The following TWIST2 variants were observed in gnomAD, a reference collection of about 807,000 sequenced individuals.
TWIST2 encodes the protein twist-related protein 2.
TWIST2 carries 1 observed loss-of-function variant against 11.6 expected under a neutral mutation model. That is an observed-to-expected ratio of 0.09 (90% CI 0.03 to 0.41). The LOEUF is 0.41. Ranked by LOEUF, TWIST2 falls within the 10% of genes least tolerant of loss-of-function variation. The probability of loss-of-function intolerance (pLI) is 0.98; values close to 1 mark genes in which losing one functional copy is unlikely to be tolerated. For missense variants in TWIST2, 168 were observed against 226.4 expected, an observed-to-expected ratio of 0.74 and a Z score of 1.66; for synonymous variants, 87 against 96.6, an observed-to-expected ratio of 0.90 and a Z score of 0.58.
At chr2:238,860,117 G>A (rs577187165) in intron 1 of TWIST2, among the ~76,000 whole-genome samples, 91 of 152,300 alleles carry the variant, frequency 6.0e-4, no homozygotes, top group African/African-American at 1.9e-3. Flanking sequence ...GGGCTCGTCT[G>A]CCCGCTCGGT....
At chr2:238,906,310 C>A (rs1654194483) in intron 1 of TWIST2, among the ~76,000 whole-genome samples, 1 of 151,178 alleles carries the variant, frequency 6.6e-6, no homozygotes, top group African/African-American at 2.4e-5. Flanking sequence ...ACACACAGAC[C>A]CACTCAGGAG....
chr2:238,854,001 C>T (rs1216339055), intron 1 of TWIST2, among the ~76,000 whole-genome samples: 1 of 152,192 alleles, frequency 6.6e-6, no homozygotes, highest in African/African-American at 2.4e-5. Context: ...TTGTTTTCCT[C>T]TGTTATTTGA....
chr2:238,855,866 C>T (rs902927154), intron 1 of TWIST2, among the ~76,000 whole-genome samples: 22 of 152,162 alleles, frequency 1.4e-4, no homozygotes, highest in African/African-American at 5.1e-4. Context: ...GCTCAGCACC[C>T]CCGCCTCAGT....
At chr2:238,868,018 A>C (rs1037943350) in intron 1 of TWIST2, among the ~76,000 whole-genome samples, 4 of 152,200 alleles carry the variant, frequency 2.6e-5, no homozygotes, top group Admixed American at 1.3e-4. Context: ...AGATAGAAAA[A>C]ATAAATGCAG....
At chr2:238,903,087 T>C (rs1165241834) in intron 1 of TWIST2, among the ~76,000 whole-genome samples, 5 of 121,304 alleles carry the variant, frequency 4.1e-5, no homozygotes, top group African/African-American at 1.8e-4. Flanking sequence ...ATGTGGGGTG[T>C]GTGCTGTGGG....
chr2:238,866,786 C>CAAA lies in TWIST2; in HGVS notation c.*35+18053_*35+18054insAAA, dbSNP rs1692545631. On this transcript the variant is annotated intron_variant, in intron 1 of 1. Coordinates refer to ENST00000612363, the MANE Select transcript of TWIST2 (RefSeq NM_001271893.4). This position sits in a 1 kb window ranked among gnomAD's most constrained non-coding sequence, Gnocchi z 4.9. The stretch of plus-strand genomic sequence containing the variant: ...CCTCCTTGGGGAGCCTCTAACCACC[C>CAAA]TGCTGGCATTTGTGGTGACTCCTGA... 1.3e-5 allele frequency among the ~76,000 whole-genome samples: 2 copies of CAAA among 152,198 alleles called. No homozygotes were observed. Among genetic ancestry groups the CAAA allele is most frequent in the African/African-American group, 4.8e-5 (2 of 41,456 alleles).
chr2:238,856,633 A>G (rs1407395598), intron 1 of TWIST2, among the ~76,000 whole-genome samples: 1 of 152,054 alleles, frequency 6.6e-6, no homozygotes, highest in Non-Finnish European at 1.5e-5. Flanking sequence ...TACGGAAGGG[A>G]CTCAGGTCTC....
In TWIST2 at chr2:238,905,993, G is replaced by A. The variant is rs1055723077; in HGVS notation, c.*36-3849G>A. Among the ~76,000 whole-genome samples the A allele has an allele frequency of 1.6e-3, 161 of 102,456 alleles. 2 individuals are homozygous for A. Among genetic ancestry groups the A allele is most frequent in the African/African-American group, 6.3e-3 (157 of 24,810 alleles). The allele number at this position is 102,456 out of a possible 152,430, so 67.2% of individuals were successfully genotyped here. A position where few individuals can be genotyped will look rare whatever the true frequency, so the allele number is the denominator to read the frequency against. ...TGTGTGCGCGCGCGTGTACGTGCGC[G>A]TGTGTGCGTGTGCGTGTGTGGTTTT... On this transcript the variant is annotated intron_variant, in intron 1 of 1. Transcript: ENST00000612363.
chr2:238,873,046 A>G (rs1468464463), intron 1 of TWIST2, among the ~76,000 whole-genome samples: 3 of 152,230 alleles, frequency 2.0e-5, no homozygotes, highest in Non-Finnish European at 4.4e-5. Context: ...CCAAGGAGAC[A>G]AATCTACTGA....
chr2:238,891,978 C>G (rs929327784), intron 1 of TWIST2, among the ~76,000 whole-genome samples: 1 of 152,200 alleles, frequency 6.6e-6, no homozygotes, highest in African/African-American at 2.4e-5. Flanking sequence ...CCCTGGAGTT[C>G]GTTCACGGAG....
chr2:238,905,381 CT>C (rs1254528637), intron 1 of TWIST2, among the ~76,000 whole-genome samples: 1 of 152,194 alleles, frequency 6.6e-6, no homozygotes, highest in African/African-American at 2.4e-5. Context: ...GCAGGAGGCG[CT>C]CCCCAGCCCC....
At chr2:238,879,842 C>A (rs1157045361) in intron 1 of TWIST2, among the ~76,000 whole-genome samples, 1 of 152,230 alleles carries the variant, frequency 6.6e-6, no homozygotes, top group Non-Finnish European at 1.5e-5. Flanking sequence ...GGAGGCAGCA[C>A]TGACCAGCAC....
intron 1 of TWIST2, among the ~76,000 whole-genome samples, chr2:238,905,621 G>C (rs1406094009): frequency 1.3e-5 from 2 of 152,144 alleles, no homozygotes; most frequent in Admixed American, 6.5e-5. Context: ...TGGGTGATAC[G>C]GTATTTCCCC....
chr2:238,859,208 G>A (rs1263216659), intron 1 of TWIST2, among the ~76,000 whole-genome samples: 1 of 69,522 alleles, frequency 1.4e-5, no homozygotes, highest in Non-Finnish European at 2.8e-5. Context: ...GCGACACTCC[G>A]TCTCAAAAAA....
chr2:238,874,253 T>G (rs1443356793), intron 1 of TWIST2, among the ~76,000 whole-genome samples: 2 of 152,232 alleles, frequency 1.3e-5, no homozygotes, highest in African/African-American at 4.8e-5. Context: ...GCTACCCAGA[T>G]GCTTTTATTC....
intron 1 of TWIST2, among the ~76,000 whole-genome samples, chr2:238,872,053 G>A (rs1240075860): frequency 5.9e-5 from 9 of 152,168 alleles, no homozygotes; most frequent in Admixed American, 3.3e-4. Context: ...ATTTTATGTC[G>A]TGTATTTTAC....
At chr2:238,903,201 GGGTATGTGATGTGA>G (rs1374550972) in intron 1 of TWIST2, among the ~76,000 whole-genome samples, 2 of 144,758 alleles carry the variant, frequency 1.4e-5, no homozygotes, top group African/African-American at 5.2e-5. Context: ...GTGTGATGTG[GGGTATGTGATGTGA>G]GGTTTATGTG....
intron 1 of TWIST2, among the ~76,000 whole-genome samples, chr2:238,881,360 TGTTA>T (rs1273366444): frequency 6.7e-6 from 1 of 150,342 alleles, no homozygotes; most frequent in Non-Finnish European, 1.5e-5. Flanking sequence ...TTAGTATTAG[TGTTA>T]GTGTTAGTAT....
Position 238,885,038 on chromosome 2 carries a change from G to A in TWIST2, c.*36-24804G>A, listed in dbSNP as rs117145916. On this transcript the variant is annotated intron_variant, in intron 1 of 1. Coordinates refer to ENST00000612363, the MANE Select transcript of TWIST2 (RefSeq NM_001271893.4). ...ACGTTTCTCCTGAGAAGCCTGGAGC[G>A]GGTGGGGGTCAGCCCTGGTCCGTTA... Among the ~76,000 whole-genome samples the A allele has an allele frequency of 5.5e-4, 84 of 152,310 alleles. No individual in the cohort carries two copies. In the East Asian group the frequency reaches 0.015, roughly 27 times the overall value.
Sources: gnomAD v4.1 joint callset for allele counts (sites outside exome capture counted in the v4.1 genomes callset) on GRCh38, gnomAD v4.1.1 for gene constraint, Gnocchi (gnomAD v3.1) non-coding constraint, MANE v1.5 for transcripts, NCBI Gene and HGNC (gene_info 2026-07-23, HGNC 2026-07-21) for gene names.